Variants in CPAMD8 observed in about 807,000 individuals in gnomAD.
CPAMD8 encodes the protein C3 and PZP-like alpha-2-macroglobulin domain-containing protein 8.
Under a neutral mutation model 224.7 loss-of-function variants are expected in CPAMD8, and 146 were observed. The ratio of observed to expected loss-of-function variants is 0.65; its 90% CI spans 0.57 to 0.75. The LOEUF is 0.75. CPAMD8 is among the 30% of genes least tolerant of loss of function. The pLI, the probability that CPAMD8 is intolerant of heterozygous loss-of-function variation, is 0.00. For missense variants in CPAMD8, 2,301 were observed against 2,537.5 expected (o/e 0.91, Z 2.00); for synonymous variants, 966 against 1,044.6 (o/e 0.92, Z 1.45).
At chr19:16,972,181 T>A (rs2122653583) in intron 17 of CPAMD8, among the ~76,000 whole-genome samples, 1 of 152,246 alleles carries the variant, frequency 6.6e-6, no homozygotes, top group East Asian at 1.9e-4. Flanking sequence ...ATTAGTATTA[T>A]TAGAGACGGC....
intron 18 of CPAMD8, among the ~76,000 whole-genome samples, chr19:16,961,393 C>T (rs186066974): frequency 7.9e-5 from 12 of 152,376 alleles, no homozygotes; most frequent in Admixed American, 1.3e-4. Flanking sequence ...GTCCCACGCC[C>T]GCAGAGCCTT....
intron 22 of CPAMD8, among the ~76,000 whole-genome samples, chr19:16,938,658 CTG>C (rs2053779962): frequency 6.6e-6 from 1 of 152,164 alleles, no homozygotes; most frequent in South Asian, 2.1e-4. Context: ...AATGGGGAAA[CTG>C]AGGCTGCTCC....
At chr19:17,002,539 G>T (rs1182775491) in intron 8 of CPAMD8, 189 bp from the exon 9 acceptor site, 5 of 508,244 alleles carry the variant, frequency 9.8e-6, no homozygotes, top group Non-Finnish European at 1.8e-5. Context: ...TCTCATCTTT[G>T]GGGGACTAGG....
Position 17,005,516 on chromosome 19 carries a change from G to A in CPAMD8, c.560-1130C>T, listed in dbSNP as rs144724464. Among the ~76,000 whole-genome samples, 72 of 152,118 alleles carry A rather than the reference G, an allele frequency of 4.7e-4. No homozygotes were observed. The East Asian group carries it at 8.5e-3, about 18-fold the overall frequency. On this transcript the variant is annotated intron_variant, in intron 7 of 41. Transcript: ENST00000443236. ...ACATGGGAGCTGTCATTTGCTTTGCGCCTGTGCCTCTGAGCCCCGTCCGCA... is the reference window on the plus strand; with the variant it reads ...ACATGGGAGCTGTCATTTGCTTTGCACCTGTGCCTCTGAGCCCCGTCCGCA...
At chr19:17,023,783 T>C (rs1287117773) in intron 1 of CPAMD8, among the ~76,000 whole-genome samples, 1 of 152,026 alleles carries the variant, frequency 6.6e-6, no homozygotes. Flanking sequence ...GGTTCCACCA[T>C]GTTGGCCAGG....
intron 11 of CPAMD8, among the ~76,000 whole-genome samples, chr19:16,996,199 G>A (rs539797163): frequency 4.6e-5 from 7 of 151,572 alleles, no homozygotes; most frequent in Non-Finnish European, 7.4e-5. Flanking sequence ...TTTGCTGGGC[G>A]TGGTGGCTCA....
chr19:16,911,061 G>A (rs1457303623), intron 29 of CPAMD8, among the ~76,000 whole-genome samples: 2 of 152,214 alleles, frequency 1.3e-5, no homozygotes, highest in Non-Finnish European at 2.9e-5. Context: ...GCAGCCACAG[G>A]AAATGAAGAC....
At chr19:17,015,330 C>A (rs1297836575) in intron 3 of CPAMD8, among the ~76,000 whole-genome samples, 1 of 152,218 alleles carries the variant, frequency 6.6e-6, no homozygotes, top group South Asian at 2.1e-4. Flanking sequence ...AGCATCTACT[C>A]ATGTGGTCCC....
intron 11 of CPAMD8, among the ~76,000 whole-genome samples, chr19:16,995,207 A>G (rs2056085872): frequency 6.6e-6 from 1 of 152,198 alleles, no homozygotes; most frequent in African/African-American, 2.4e-5. Flanking sequence ...AAGCAGAACA[A>G]GAGGGTCAGA....
intron 3 of CPAMD8, among the ~76,000 whole-genome samples, chr19:17,019,503 T>A (rs1260584678): frequency 6.6e-6 from 1 of 152,124 alleles, no homozygotes; most frequent in Non-Finnish European, 1.5e-5. Context: ...CATGAAAAAG[T>A]GAAAAGTATG....
rs563340313 is a variant in CPAMD8, at chr19:16,927,718, A to T, written c.3370+291T>A. Among the ~76,000 whole-genome samples the T allele has an allele frequency of 3.9e-5, 6 of 152,156 alleles. No homozygotes were observed. In the East Asian group the frequency reaches 1.2e-3, roughly 29 times the overall value. On this transcript the variant is annotated intron_variant, in intron 25 of 41. Transcript: ENST00000443236. ...ACTGCAGGTTCTTAGGGGTCACCCT[A>T]CCCTGACCTCTGCATAAGGTTTAGA...
At chr19:16,990,176 C>A (rs1177845447) in intron 12 of CPAMD8, among the ~76,000 whole-genome samples, 2 of 152,022 alleles carry the variant, frequency 1.3e-5, no homozygotes, top group Non-Finnish European at 2.9e-5. Context: ...ATTGCTTGAA[C>A]CCAGGAGGCA....
At chr19:16,978,624 G>C (rs778240736) in intron 14 of CPAMD8, among the ~76,000 whole-genome samples, 1 of 152,122 alleles carries the variant, frequency 6.6e-6, no homozygotes, top group Non-Finnish European at 1.5e-5. Flanking sequence ...ACTGGCTTCC[G>C]GTGAATAGAA....
chr19:16,949,343 A>G (rs1373660667), intron 20 of CPAMD8, among the ~76,000 whole-genome samples: 1 of 149,328 alleles, frequency 6.7e-6, no homozygotes, highest in Non-Finnish European at 1.5e-5. Flanking sequence ...TCAGAGGGAA[A>G]CCTCCCTTTA....
Position 16,970,944 on chromosome 19 carries a change from G to A in CPAMD8, c.2160C>T (p.Phe720=), listed in dbSNP as rs1179999971. The change falls in exon 18 of 42, where the codon TTC becomes TTT. Residue 720 remains phenylalanine, a synonymous_variant. Transcript: ENST00000443236. ...CCACCAGGCTCCCTGTGTGGGGCTG[G>A]AAAGCGGGGACAGCCTCATCGGTGT... is the stretch of plus-strand genomic sequence containing the variant. ...GLYTDEAVPA[F]QPHTGSLVAV... The A allele has an allele frequency of 2.4e-5, 39 of 1,613,864 alleles. No individual in the cohort carries two copies. The highest frequency in any genetic ancestry group is 3.0e-5 in the Non-Finnish European group (35 of 1,179,972).
At chr19:16,945,713 G>A (rs1419415607) in intron 21 of CPAMD8, 34 bp from the exon 22 acceptor site, 1 of 1,610,880 alleles carries the variant, frequency 6.2e-7, no homozygotes, top group African/African-American at 1.3e-5. Context: ...CTCAGAACAG[G>A]TCTCCACCCA....
chr19:16,990,973 G>A (rs755274059), intron 12 of CPAMD8, among the ~76,000 whole-genome samples: 4 of 151,362 alleles, frequency 2.6e-5, no homozygotes, highest in Non-Finnish European at 2.9e-5. Context: ...AGAAAGGCCA[G>A]TTGTGTGATT....
chr19:16,894,371 A>G lies in CPAMD8; in HGVS notation c.5427-1032T>C, dbSNP rs2227382. ...TACAGAGTCACAGGCTGATAGGGAC[A>G]GGATGCAGCCAGATGGTGTCGTCCT... On this transcript the variant is annotated intron_variant, in intron 41 of 41. Transcript: ENST00000443236. 5.9e-3 allele frequency: 2,698 copies of G among 456,524 alleles called. 13 individuals carry two copies. The highest frequency in any genetic ancestry group is 8.4e-3 in the Non-Finnish European group (1,908 of 226,838). 28.3% of individuals were successfully genotyped at this position (456,524 alleles called of 1,614,324 possible). A position where few individuals can be genotyped will look rare whatever the true frequency, so the allele number is the denominator to read the frequency against.
intron 29 of CPAMD8, among the ~76,000 whole-genome samples, chr19:16,909,498 C>G (rs1340084615): frequency 1.3e-5 from 2 of 152,006 alleles, no homozygotes; most frequent in Admixed American, 1.3e-4. Context: ...GAGCCGAGAT[C>G]GCGCCACTGT....
Sources: gnomAD v4.1 joint callset for allele counts (sites outside exome capture counted in the v4.1 genomes callset) on GRCh38, gnomAD v4.1.1 for gene constraint, MANE v1.5 for transcripts, NCBI Gene and HGNC (gene_info 2026-07-23, HGNC 2026-07-21) for gene names.